The following PHACTR3 variants were observed in gnomAD, a reference collection of about 807,000 sequenced individuals.
PHACTR3 encodes phosphatase and actin regulator 3.
In PHACTR3, 16 loss-of-function variants were observed where a neutral mutation model predicts 66.8. The ratio of observed to expected loss-of-function variants is 0.24; its 90% CI spans 0.16 to 0.36. The LOEUF is 0.36. Ranked by LOEUF, PHACTR3 falls within the 10% of genes least tolerant of loss-of-function variation. The pLI is 1.00. For synonymous variants in PHACTR3, 323 were observed against 292.1 expected (o/e 1.11, Z -1.08); for missense variants, 647 against 719.9 (o/e 0.90, Z 1.16).
chr20:59,707,792 T>C (rs922366320), intron 1 of PHACTR3, among the ~76,000 whole-genome samples: 2 of 152,140 alleles, frequency 1.3e-5, no homozygotes, highest in African/African-American at 4.8e-5. Flanking sequence ...CCATCGAACG[T>C]GCCTGCTACC....
At chr20:59,818,842 T>C (rs982509535) in intron 8 of PHACTR3, among the ~76,000 whole-genome samples, 3 of 152,228 alleles carry the variant, frequency 2.0e-5, no homozygotes, top group Admixed American at 2.0e-4. Flanking sequence ...TATCATCATC[T>C]TTGTCATTTT....
At chr20:59,765,768 C>T (rs1056055445) in intron 4 of PHACTR3, among the ~76,000 whole-genome samples, 1 of 152,206 alleles carries the variant, frequency 6.6e-6, no homozygotes, top group Non-Finnish European at 1.5e-5. Flanking sequence ...CACCCAACAG[C>T]TCTTGGGTAC....
intron 7 of PHACTR3, among the ~76,000 whole-genome samples, chr20:59,794,210 A>T (rs1411714945): frequency 6.6e-6 from 1 of 151,566 alleles, no homozygotes; most frequent in Non-Finnish European, 1.5e-5. Context: ...CTTCAAAATG[A>T]TGTTAACTAT....
intron 5 of PHACTR3, among the ~76,000 whole-genome samples, chr20:59,768,408 C>T (rs978188782): frequency 8.5e-5 from 13 of 152,190 alleles, no homozygotes; most frequent in Non-Finnish European, 1.5e-4. Flanking sequence ...TGGGTAGGCA[C>T]GAGGTGCCCC....
intron 10 of PHACTR3, 59 bp downstream of exon 10, chr20:59,840,489 G>C: frequency 6.2e-7 from 1 of 1,600,800 alleles, no homozygotes; most frequent in Non-Finnish European, 8.5e-7. Context: ...CAGCTGCTTC[G>C]GTAGCAGGTG....
rs574457142 is a variant in PHACTR3, at chr20:59,589,404, T to C, written c.109+11787T>C. Among the ~76,000 whole-genome samples, 250 of 152,346 alleles carry C rather than the reference T, an allele frequency of 1.6e-3. 2 individuals carry two copies. Among genetic ancestry groups the C allele is most frequent in the African/African-American group, 5.7e-3 (236 of 41,584 alleles). ...CTTCTGTGCAAACACGGACGGCCGT[T>C]ACTATTTATAGGTTTGTACAGGTTG... On this transcript the variant is annotated intron_variant, in intron 1 of 12. Transcript: ENST00000359926.
intron 7 of PHACTR3, among the ~76,000 whole-genome samples, chr20:59,791,121 C>G (rs962555939): frequency 3.3e-5 from 5 of 152,080 alleles, no homozygotes; most frequent in Non-Finnish European, 7.4e-5. Flanking sequence ...ATTTAATTGC[C>G]ATTATAACAG....
chr20:59,589,109 A>G (rs1220828844), intron 1 of PHACTR3, among the ~76,000 whole-genome samples: 1 of 152,220 alleles, frequency 6.6e-6, no homozygotes, highest in Non-Finnish European at 1.5e-5. Context: ...CGTGACCGCA[A>G]ACTGCAGCCT....
intron 3 of PHACTR3, among the ~76,000 whole-genome samples, chr20:59,751,222 C>T (rs1250115854): frequency 6.6e-6 from 1 of 150,784 alleles, no homozygotes; most frequent in Non-Finnish European, 1.5e-5. Context: ...AAGGAACCGG[C>T]TTCAGCCACC....
In PHACTR3 at chr20:59,820,430, T is replaced by C. The variant is rs994677037; in HGVS notation, c.1328+14236T>C. On this transcript the variant is annotated intron_variant, in intron 8 of 12. Coordinates refer to ENST00000371015, the MANE Select transcript of PHACTR3 (RefSeq NM_080672.5). This position sits in a 1 kb window ranked among gnomAD's most constrained non-coding sequence, Gnocchi z 4.6. ...GGATCTTGTACGTTCTGCTTTTAGA[T>C]GGAGGTAGCTAAGCAACAGAACACA... 7.9e-5 allele frequency among the ~76,000 whole-genome samples: 12 copies of C among 152,144 alleles called. No individual in the cohort carries two copies. The highest frequency in any genetic ancestry group is 2.1e-4 in the South Asian group (1 of 4,820).
At chr20:59,834,277 T>C (rs2042463857) in intron 8 of PHACTR3, among the ~76,000 whole-genome samples, 2 of 152,212 alleles carry the variant, frequency 1.3e-5, no homozygotes, top group Non-Finnish European at 2.9e-5. Flanking sequence ...TTCCGAGCCC[T>C]TCTGTGGGCA....
chr20:59,845,505 A>G (rs908115980), intron 12 of PHACTR3, among the ~76,000 whole-genome samples: 1 of 152,192 alleles, frequency 6.6e-6, no homozygotes, highest in Non-Finnish European at 1.5e-5. Context: ...TAGTTAATGC[A>G]TATTTAACAA....
At chr20:59,661,743 T>C (rs1186107375) in intron 1 of PHACTR3, among the ~76,000 whole-genome samples, 1 of 151,422 alleles carries the variant, frequency 6.6e-6, no homozygotes, top group Non-Finnish European at 1.5e-5. Flanking sequence ...GGACTCCAGG[T>C]TGGCCACGCA....
intron 1 of PHACTR3, among the ~76,000 whole-genome samples, chr20:59,730,168 A>T (rs1263297244): frequency 6.6e-6 from 1 of 152,166 alleles, no homozygotes; most frequent in African/African-American, 2.4e-5. Context: ...GCCAGGATGG[A>T]CATAAAACTA....
rs578116405 is a variant in PHACTR3 at position 59,754,835 on chromosome 20, A to G, written c.359-347A>G. The stretch of plus-strand genomic sequence containing the variant: ...CCACTGTGTCCCATCGACCAAAGCA[A>G]GCTCCAGGGCAGAGGCCGGGGTCAG... On this transcript the variant is annotated intron_variant, in intron 3 of 12. Coordinates refer to ENST00000371015, the MANE Select transcript of PHACTR3 (RefSeq NM_080672.5). 7.9e-5 allele frequency among the ~76,000 whole-genome samples: 12 copies of G among 152,370 alleles called. No individual in the cohort carries two copies. The East Asian group carries it at 1.4e-3, about 17-fold the overall frequency.
intron 1 of PHACTR3, among the ~76,000 whole-genome samples, chr20:59,586,574 C>T (rs1036939555): frequency 6.6e-6 from 1 of 151,918 alleles, no homozygotes; most frequent in South Asian, 2.1e-4. Flanking sequence ...AAAAATAAGG[C>T]GATATTCCTC....
At chr20:59,778,660 A>G (rs752045736) in intron 7 of PHACTR3, among the ~76,000 whole-genome samples, 5 of 152,204 alleles carry the variant, frequency 3.3e-5, no homozygotes, top group African/African-American at 7.2e-5. Flanking sequence ...TACTGTGCGC[A>G]CAGCTCACGA....
chr20:59,829,177 C>T lies in PHACTR3; in HGVS notation c.1329-7328C>T, dbSNP rs561410976. ...TTTGGACTCAGAGTGCCTGGAGTCA[C>T]ATCCTCCCCGGCATCCCAGAAGTCA... On this transcript the variant is annotated intron_variant, in intron 8 of 12. Coordinates refer to ENST00000371015, the MANE Select transcript of PHACTR3 (RefSeq NM_080672.5). This position sits in a 1 kb window ranked among gnomAD's most constrained non-coding sequence, Gnocchi z 4.2. Among the ~76,000 whole-genome samples the T allele has an allele frequency of 3.1e-4, 47 of 152,236 alleles. No individual in the cohort carries two copies. The highest frequency in any genetic ancestry group is 1.0e-3 in the African/African-American group (43 of 41,552).
chr20:59,697,315 G>A (rs1156420858), intron 1 of PHACTR3, among the ~76,000 whole-genome samples: 1 of 152,220 alleles, frequency 6.6e-6, no homozygotes, highest in Non-Finnish European at 1.5e-5. Flanking sequence ...TGTATTGATT[G>A]CTACTGGAAG....
Sources: gnomAD v4.1 joint callset for allele counts (sites outside exome capture counted in the v4.1 genomes callset) on GRCh38, gnomAD v4.1.1 for gene constraint, Gnocchi (gnomAD v3.1) non-coding constraint, MANE v1.5 for transcripts, NCBI Gene and HGNC (gene_info 2026-07-23, HGNC 2026-07-21) for gene names.